The following SSH1 variants were observed in gnomAD, a reference collection of about 807,000 sequenced individuals.
SSH1 encodes the protein protein phosphatase Slingshot homolog 1.
Under a neutral mutation model 79.7 loss-of-function variants are expected in SSH1, and 43 were observed. The ratio of observed to expected loss-of-function variants is 0.54; its 90% CI spans 0.42 to 0.70. The LOEUF is 0.70. SSH1 is among the 30% of genes least tolerant of loss of function. SSH1 has a pLI of 0.00. For synonymous variants in SSH1, 599 were observed against 538.3 expected (o/e 1.11, Z -1.56); for missense variants, 1,206 against 1,358.8 (o/e 0.89, Z 1.77).
intron 3 of SSH1, among the ~76,000 whole-genome samples, chr12:108,819,244 T>C (rs2038022027): frequency 6.6e-6 from 1 of 152,212 alleles, no homozygotes; most frequent in South Asian, 2.1e-4. Flanking sequence ...TTTTCTTCAC[T>C]ATGTAAAACA....
At position 108,792,710 on chromosome 12, in the gene SSH1, C is replaced by T; in HGVS notation, c.1469G>A (p.Ser490Asn). Residue 490 changes from serine to asparagine, a missense_variant, in exon 14 of 15, where the codon AGC becomes AAC. Coordinates refer to ENST00000326495, the MANE Select transcript of SSH1 (RefSeq NM_018984.4). ...GGCATCATCCAAGAAGGGCAGCTGG[C>T]TTTCCGGGGTGCCATCTGGGGTCTC... Reference protein sequence around the residue: ...LPETPDGTPESQLPFLDDAAQ... With the variant: ...LPETPDGTPENQLPFLDDAAQ... 6.2e-7 allele frequency: 1 copy of T among 1,613,510 alleles called. No individual in the cohort carries two copies. Among genetic ancestry groups the T allele is most frequent in the Non-Finnish European group, 8.5e-7 (1 of 1,180,026 alleles).
At chr12:108,850,974 C>T (rs1026582421) in intron 2 of SSH1, among the ~76,000 whole-genome samples, 3 of 151,960 alleles carry the variant, frequency 2.0e-5, no homozygotes, top group African/African-American at 4.8e-5. Context: ...TCCACTCCAC[C>T]CCTCCCTGCT....
chr12:108,798,959 C>T (rs575726427), intron 13 of SSH1, 41 bp downstream of exon 13: 2 of 1,603,348 alleles, frequency 1.2e-6, no homozygotes, highest in African/African-American at 2.7e-5. Flanking sequence ...ATGGCTGCTC[C>T]AGCTCCGCCT....
At chr12:108,820,273 A>G (rs1180998925) in intron 3 of SSH1, among the ~76,000 whole-genome samples, 2 of 152,214 alleles carry the variant, frequency 1.3e-5, no homozygotes, top group Non-Finnish European at 2.9e-5. Context: ...TCCACAGTGT[A>G]TAACACCCTG....
chr12:108,847,297 A>T (rs920901987), intron 2 of SSH1, among the ~76,000 whole-genome samples: 2 of 152,216 alleles, frequency 1.3e-5, no homozygotes, highest in Non-Finnish European at 2.9e-5. Flanking sequence ...GAGCTGTAAG[A>T]ACACACAAAG....
chr12:108,847,583 G>A (rs1359700771), intron 2 of SSH1, among the ~76,000 whole-genome samples: 1 of 152,022 alleles, frequency 6.6e-6, no homozygotes, highest in African/African-American at 2.4e-5. Flanking sequence ...TCAGCCTCCC[G>A]AGTAGCTGGG....
intron 5 of SSH1, among the ~76,000 whole-genome samples, chr12:108,812,613 G>A (rs949418215): frequency 6.6e-6 from 1 of 152,200 alleles, no homozygotes; most frequent in Admixed American, 6.5e-5. Context: ...AAAACCATGT[G>A]GAACCTAAGC....
In SSH1 at chr12:108,796,756, T is replaced by C. The variant is rs1049151069; in HGVS notation, c.1349+2244A>G. ...TGATATAATTTTATTCCTTTTTTTT[T>C]TTTTAGACGAAGTTTTGCTGTTGTT... On this transcript the variant is annotated intron_variant, in intron 13 of 14. Transcript: ENST00000326495. Among the ~76,000 whole-genome samples the C allele has an allele frequency of 3.3e-5, 5 of 152,326 alleles. No individual in the cohort carries two copies. In the East Asian group the frequency reaches 9.6e-4, roughly 29 times the overall value.
chr12:108,814,072 A>G (rs1404745857), intron 5 of SSH1, among the ~76,000 whole-genome samples: 2 of 152,088 alleles, frequency 1.3e-5, no homozygotes, highest in Non-Finnish European at 2.9e-5. Flanking sequence ...AAAAATACAA[A>G]AACTTTCCAG....
At chr12:108,806,433 G>A (rs763524097) in intron 8 of SSH1, 39 bp from the exon 9 acceptor site, 2 of 1,592,732 alleles carry the variant, frequency 1.3e-6, no homozygotes, top group Non-Finnish European at 8.6e-7. Context: ...AGGAGCTGTA[G>A]AAAGCTTGTG....
rs778356918 is a variant in SSH1, at chr12:108,827,381, C to T, written c.111-4020G>A. 5.3e-6 allele frequency: 8 copies of T among 1,521,666 alleles called. No individual in the cohort carries two copies. The South Asian group carries it at 1.0e-4, about 19-fold the overall frequency. The allele number at this position is 1,521,666 out of a possible 1,614,324, so 94.3% of individuals were successfully genotyped here. On this transcript the variant is annotated intron_variant, in intron 2 of 14. Transcript: ENST00000326495. ...GTGCTCACATCTCTAACGCTCCCTA[C>T]AACTGCCCTCCGAGCTCTGGCCATC...
chr12:108,792,598 G>T lies in SSH1; in HGVS notation c.1581C>A (p.Gly527=). 6.2e-7 allele frequency: 1 copy of T among 1,612,514 alleles called. No individual in the cohort carries two copies. The highest frequency in any genetic ancestry group is 8.5e-7 in the Non-Finnish European group (1 of 1,179,054). ...PLLPSPEDET[G]SLVHLEDPER... ...CCGGATCCTCCAGGTGGACCAAGCT[G>T]CCAGTTTCATCCTCAGGGGAAGGCA... Residue 527 remains glycine, a synonymous_variant, in exon 14 of 15, where the codon GGC becomes GGA. Transcript: ENST00000326495.
chr12:108,852,609 T>C (rs1279094845), intron 2 of SSH1, 29 bp downstream of exon 2: 3 of 1,613,568 alleles, frequency 1.9e-6, no homozygotes, highest in Non-Finnish European at 2.5e-6. Context: ...GGAGAAAGAC[T>C]TAGGAACAAG....
intron 2 of SSH1, among the ~76,000 whole-genome samples, chr12:108,831,631 T>C (rs1054469865): frequency 3.3e-5 from 5 of 151,912 alleles, no homozygotes; most frequent in East Asian, 1.9e-4. Context: ...GAGGCCTCCC[T>C]GGAAGAAATG....
At chr12:108,856,316 C>A (rs1490051673) in intron 1 of SSH1, among the ~76,000 whole-genome samples, 1 of 152,262 alleles carries the variant, frequency 6.6e-6, no homozygotes, top group Non-Finnish European at 1.5e-5. Context: ...CAGCCTAGGA[C>A]AAGCCAGGCC....
chr12:108,806,381 C>T lies in SSH1; in HGVS notation c.745G>A (p.Glu249Lys), dbSNP rs781532380. 1 of 1,614,146 alleles carries T rather than the reference C, an allele frequency of 6.2e-7. No homozygotes were observed. The highest frequency in any genetic ancestry group is 1.1e-5 in the South Asian group (1 of 91,076). The change falls in exon 9 of 15, where the codon GAA (glutamate) becomes AAA (lysine). Residue 249 changes from glutamate (E) to lysine (K), a missense_variant. Glu to Lys is a moderately conservative substitution (Grantham distance 56). This residue lies in a region of SSH1 where 116 missense variants were observed against 109.0 expected (regional missense o/e 1.06). Coordinates refer to ENST00000326495, the MANE Select transcript of SSH1 (RefSeq NM_018984.4). ...GCTTTGATGAGGCGCTCGGTCCTTT[C>T]CCCTTCAGTGGGCCTGGAAAGAAAT... ...ALFVDKPTEG[E>K]RTERLIKAKL...
At position 108,804,466 on chromosome 12, in the gene SSH1, T is replaced by C. The variant is rs115037242; in HGVS notation, c.954+590A>G. Among the ~76,000 whole-genome samples, 731 of 152,330 alleles carry C rather than the reference T, an allele frequency of 4.8e-3. 2 individuals are homozygous for C. Among genetic ancestry groups the C allele is most frequent in the African/African-American group, 0.017 (688 of 41,574 alleles). On this transcript the variant is annotated intron_variant, in intron 10 of 14. Coordinates refer to ENST00000326495, the MANE Select transcript of SSH1 (RefSeq NM_018984.4). ...ATGGATATTCACAGCATTAAAACAA[T>C]CTGAGCTAGCCGTGGAGGTGCACAG...
At chr12:108,814,279 C>G (rs957283946) in intron 5 of SSH1, among the ~76,000 whole-genome samples, 1 of 152,028 alleles carries the variant, frequency 6.6e-6, no homozygotes, top group African/African-American at 2.4e-5. Flanking sequence ...AGCCGCCATT[C>G]CAATGCTGCC....
chr12:108,797,702 G>C (rs1419225819), intron 13 of SSH1, among the ~76,000 whole-genome samples: 2 of 152,122 alleles, frequency 1.3e-5, no homozygotes, highest in Non-Finnish European at 2.9e-5. Context: ...TGACCTCAGG[G>C]GAGAGCGACC....
Sources: gnomAD v4.1 joint callset for allele counts (sites outside exome capture counted in the v4.1 genomes callset) on GRCh38, gnomAD v4.1.1 for gene constraint, gnomAD v4.1.1 regional missense constraint, MANE v1.5 for transcripts, NCBI Gene and HGNC (gene_info 2026-07-23, HGNC 2026-07-21) for gene names.